IGDCC3: variants seen among roughly 807,000 people sequenced by gnomAD.
IGDCC3 encodes the protein immunoglobulin superfamily DCC subclass member 3, also known as putative neuronal cell adhesion molecule.
IGDCC3 carries 47 observed loss-of-function variants against 72.0 expected under a neutral mutation model. The ratio of observed to expected loss-of-function variants is 0.65; its 90% confidence interval spans 0.52 to 0.83. IGDCC3 has a LOEUF of 0.83. Ranked by LOEUF, IGDCC3 falls within the 40% of genes least tolerant of loss-of-function variation. IGDCC3 has a pLI of 0.00. For missense variants in IGDCC3, 1,038 were observed against 1,091.3 expected, an observed-to-expected ratio of 0.95 and a Z score of 0.69; for synonymous variants, 477 against 472.8, an observed-to-expected ratio of 1.01 and a Z score of -0.11.
intron 2 of IGDCC3, among the ~76,000 whole-genome samples, chr15:65,353,892 A>G (rs1020822224): frequency 6.6e-6 from 1 of 152,126 alleles, no homozygotes; most frequent in Non-Finnish European, 1.5e-5. Context: ...TGGAGTAGCC[A>G]TTCTTTTATT....
At chr15:65,369,792 C>G (rs2091312135) in intron 2 of IGDCC3, among the ~76,000 whole-genome samples, 1 of 151,988 alleles carries the variant, frequency 6.6e-6, no homozygotes, top group South Asian at 2.1e-4. Flanking sequence ...CATGACCCAC[C>G]TCCCTACACA....
intron 2 of IGDCC3, among the ~76,000 whole-genome samples, chr15:65,360,209 A>G (rs543062667): frequency 2.6e-5 from 4 of 152,350 alleles, no homozygotes; most frequent in African/African-American, 4.8e-5. Flanking sequence ...GATAAAAGCA[A>G]TATCACTTTA....
chr15:65,335,062 A>G (rs916762371), intron 4 of IGDCC3, among the ~76,000 whole-genome samples, 197 bp from the exon 5 acceptor site: 2 of 152,122 alleles, frequency 1.3e-5, no homozygotes, highest in African/African-American at 4.8e-5. Flanking sequence ...GCTGCCAGCA[A>G]TGGGGAAGTC....
Position 65,339,389 on chromosome 15 carries a change from ATTTC to A in IGDCC3, c.410-3437_410-3434del, listed in dbSNP as rs375523023. Reference sequence around the variant, plus strand: ...GCTACTGTGCCTGGCCAATTTTTGTATTTCTTATAGAGACAGGGTCTCCCTACGT... The same window carrying A: ...GCTACTGTGCCTGGCCAATTTTTGTATTATAGAGACAGGGTCTCCCTACGT... On this transcript the variant is annotated intron_variant, in intron 2 of 13. Coordinates refer to ENST00000327987, the MANE Select transcript of IGDCC3 (RefSeq NM_004884.4). This position sits in a 1 kb window ranked among gnomAD's most constrained non-coding sequence, Gnocchi z 4.1. Among the ~76,000 whole-genome samples, 342 of 152,182 alleles carry A rather than the reference ATTTC, an allele frequency of 2.2e-3. 2 individuals carry two copies. The highest frequency in any genetic ancestry group is 7.4e-3 in the African/African-American group (307 of 41,524).
At chr15:65,355,381 A>C (rs930827589) in intron 2 of IGDCC3, among the ~76,000 whole-genome samples, 2 of 152,030 alleles carry the variant, frequency 1.3e-5, no homozygotes, top group African/African-American at 2.4e-5. Context: ...CCGGGCCTCA[A>C]AGGAGAAAAG....
rs770808475 is a variant in IGDCC3, at chr15:65,335,439, A to G, written c.555-18T>C. On this transcript the variant is annotated intron_variant, in intron 3 of 13. Transcript: ENST00000327987. ...ATGTGTACCTGTTGAGGGGAGGGACATAGTTGGCCACCAGCACAGCCATTG... is the reference window on the plus strand; with the variant it reads ...ATGTGTACCTGTTGAGGGGAGGGACGTAGTTGGCCACCAGCACAGCCATTG... 1.3e-6 allele frequency: 2 copies of G among 1,596,496 alleles called. No individual in the cohort carries two copies. Among genetic ancestry groups the G allele is most frequent in the Admixed American group, 1.8e-5 (1 of 56,900 alleles).
Position 65,335,445 on chromosome 15 carries a change from G to A in IGDCC3, c.555-24C>T, listed in dbSNP as rs766946540. The A allele has an allele frequency of 5.0e-6, 8 of 1,593,530 alleles. No individual in the cohort carries two copies. In the South Asian group the frequency reaches 5.7e-5, roughly 11 times the overall value. On this transcript the variant is annotated intron_variant, in intron 3 of 13. Coordinates refer to ENST00000327987, the MANE Select transcript of IGDCC3 (RefSeq NM_004884.4). ...ACCTGTTGAGGGGAGGGACATAGTT[G>A]GCCACCAGCACAGCCATTGACATAA...
intron 2 of IGDCC3, among the ~76,000 whole-genome samples, chr15:65,351,442 G>C (rs1033366954): frequency 9.9e-5 from 15 of 151,490 alleles, no homozygotes; most frequent in African/African-American, 3.6e-4. Context: ...GCTGAGGCAG[G>C]AGAATGGTGT....
rs780783232 is a variant in IGDCC3 at position 65,329,780 on chromosome 15, C to G, written c.1943G>C (p.Gly648Ala). 2.5e-6 allele frequency: 4 copies of G among 1,614,130 alleles called. No individual in the cohort carries two copies. Among genetic ancestry groups the G allele is most frequent in the South Asian group, 1.1e-5 (1 of 91,086 alleles). Residue 648 changes from glycine to alanine, a missense_variant, in exon 12 of 14, where the codon GGG (glycine) becomes GCG (alanine). By Grantham distance (60) the Gly-to-Ala change is moderately conservative. Coordinates refer to ENST00000327987, the MANE Select transcript of IGDCC3 (RefSeq NM_004884.4). The surrounding 1 kb of genome is among the most constrained non-coding windows in gnomAD (Gnocchi z 4.1). ...TTGIVIGIHI[G>A]VTCIIFCVLF... Reference sequence around the variant, plus strand: ...GACACAGAAGATGATGCAAGTGACCCCGATGTGGATGCCGATGACGATGCC... The same window carrying G: ...GACACAGAAGATGATGCAAGTGACCGCGATGTGGATGCCGATGACGATGCC...
chr15:65,334,917 C>T, intron 4 of IGDCC3, 52 bp from the exon 5 acceptor site: 6 of 1,564,390 alleles, frequency 3.8e-6, no homozygotes, highest in East Asian at 4.5e-5. Context: ...TTTCCCGCTT[C>T]CTCACCCCAC....
intron 2 of IGDCC3, among the ~76,000 whole-genome samples, chr15:65,364,213 TGG>T (rs1304989920): frequency 1.3e-5 from 2 of 152,248 alleles, no homozygotes; most frequent in African/African-American, 4.8e-5. Flanking sequence ...GTGAATTTTT[TGG>T]GTCAGGCAGA....
chr15:65,330,508 A>T, intron 10 of IGDCC3, 42 bp downstream of exon 10: 1 of 1,598,200 alleles, frequency 6.3e-7, no homozygotes, highest in Non-Finnish European at 8.6e-7. Context: ...TCAGCGCCGC[A>T]CTCTGCCAAG....
At chr15:65,356,694 GT>G (rs1380190891) in intron 2 of IGDCC3, among the ~76,000 whole-genome samples, 1 of 135,058 alleles carries the variant, frequency 7.4e-6, no homozygotes, top group African/African-American at 2.8e-5. Context: ...AAAGGCGAGG[GT>G]TGGGGGGGTG....
At chr15:65,348,324 G>A (rs192216714) in intron 2 of IGDCC3, among the ~76,000 whole-genome samples, 1,658 of 152,282 alleles carry the variant, frequency 0.011, 17 homozygotes, top group Non-Finnish European at 0.015. Context: ...TTTCTTGCGT[G>A]AGATCCAAGA....
chr15:65,334,934 C>T (rs2091013820), intron 4 of IGDCC3, 69 bp from the exon 5 acceptor site: 7 of 1,515,214 alleles, frequency 4.6e-6, no homozygotes, highest in African/African-American at 1.4e-5. Context: ...CCACCCACAG[C>T]CCAGGACACA....
chr15:65,339,568 C>T lies in IGDCC3; in HGVS notation c.410-3612G>A, dbSNP rs909166700. 2.6e-5 allele frequency among the ~76,000 whole-genome samples: 4 copies of T among 152,188 alleles called. No homozygotes were observed. The highest frequency in any genetic ancestry group is 6.5e-5 in the Admixed American group (1 of 15,276). The stretch of plus-strand genomic sequence containing the variant: ...GGCTTGTGCCAGCAGGCCACAGAGC[C>T]GGGTGGACTGTCCCTCATTATGTCT... On this transcript the variant is annotated intron_variant, in intron 2 of 13. Transcript: ENST00000327987. This position sits in a 1 kb window ranked among gnomAD's most constrained non-coding sequence, Gnocchi z 4.1.
At chr15:65,335,048 C>A (rs1487623141) in intron 4 of IGDCC3, among the ~76,000 whole-genome samples, 183 bp from the exon 5 acceptor site, 1 of 152,166 alleles carries the variant, frequency 6.6e-6, no homozygotes, top group Non-Finnish European at 1.5e-5. Context: ...GCGGGCTCTG[C>A]AGGGCTGCCA....
chr15:65,374,854 C>G (rs551999117), intron 2 of IGDCC3, among the ~76,000 whole-genome samples: 2 of 152,262 alleles, frequency 1.3e-5, no homozygotes, highest in East Asian at 3.9e-4. Context: ...GCTTTCTCCC[C>G]GACTCCCCTA....
In IGDCC3 at chr15:65,327,390, G is replaced by A. The variant is rs2141027362; in HGVS notation, c.*1519C>T. ...ACGCGGACACAGCTCTAGTTTTCTAGGAAAACACCACAAATTCTATCTTCT... is the reference window on the plus strand; with the variant it reads ...ACGCGGACACAGCTCTAGTTTTCTAAGAAAACACCACAAATTCTATCTTCT... On this transcript the variant is annotated 3_prime_UTR_variant, in exon 14 of 14. Coordinates refer to ENST00000327987, the MANE Select transcript of IGDCC3 (RefSeq NM_004884.4). The A allele has an allele frequency of 6.6e-6, 1 of 152,256 alleles. No individual in the cohort carries two copies. Among genetic ancestry groups the A allele is most frequent in the African/African-American group, 2.4e-5 (1 of 41,562 alleles). 9.4% of individuals were successfully genotyped at this position (152,256 alleles called of 1,614,324 possible). A position where few individuals can be genotyped will look rare whatever the true frequency, so the allele number is the denominator to read the frequency against.
Sources: gnomAD v4.1 joint callset for allele counts (sites outside exome capture counted in the v4.1 genomes callset) on GRCh38, gnomAD v4.1.1 for gene constraint, Gnocchi (gnomAD v3.1) non-coding constraint, MANE v1.5 for transcripts, NCBI Gene and HGNC (gene_info 2026-07-23, HGNC 2026-07-21) for gene names.